Variants in TEX14 observed in about 807,000 individuals in gnomAD.
The protein encoded by TEX14 is inactive serine/threonine-protein kinase TEX14.
TEX14 carries 168 observed loss-of-function variants against 178.6 expected under a neutral mutation model. That is an observed-to-expected ratio of 0.94 (90% CI 0.83 to 1.07). The LOEUF (loss-of-function observed/expected upper bound fraction) is 1.07. Among genes scored for constraint, TEX14 ranks in the 50% least tolerant of loss-of-function variants. The pLI, the probability that TEX14 is intolerant of heterozygous loss-of-function variation, is 0.00. For synonymous variants in TEX14, 626 were observed against 634.1 expected (o/e 0.99, Z 0.19); for missense variants, 1,730 against 1,753.6 (o/e 0.99, Z 0.24).
At chr17:58,613,615 T>C in intron 8 of TEX14, 71 bp from the exon 9 acceptor site, 5 of 1,472,188 alleles carry the variant, frequency 3.4e-6, no homozygotes, top group Non-Finnish European at 2.8e-6. Flanking sequence ...GCGTAGGCCT[T>C]TTGAACACAT....
intron 2 of TEX14, chr17:58,631,678 C>T (rs541448185): frequency 7.3e-5 from 11 of 151,480 alleles, no homozygotes; most frequent in African/African-American, 2.2e-4. Flanking sequence ...GAACGGTCAC[C>T]AACAGCAAAC....
chr17:58,611,817 C>T (rs2045752313), intron 9 of TEX14, among the ~76,000 whole-genome samples: 1 of 152,202 alleles, frequency 6.6e-6, no homozygotes, highest in African/African-American at 2.4e-5. Context: ...GAAATTCACT[C>T]ACATCAATGC....
chr17:58,645,992 T>C (rs1043022507), intron 2 of TEX14, among the ~76,000 whole-genome samples: 1 of 152,254 alleles, frequency 6.6e-6, no homozygotes, highest in Non-Finnish European at 1.5e-5. Flanking sequence ...ACTATGTTAA[T>C]AGTTGTTAGT....
intron 7 of TEX14, 47 bp downstream of exon 7, chr17:58,616,128 T>C (rs777602122): frequency 1.3e-6 from 2 of 1,579,030 alleles, no homozygotes; most frequent in Admixed American, 3.7e-5. Context: ...CAGCCCACTC[T>C]TCCCCTGAAA....
chr17:58,661,808 T>C, intron 1 of TEX14: 1 of 488,182 alleles, frequency 2.0e-6, no homozygotes, highest in Non-Finnish European at 3.6e-6. Flanking sequence ...TTCGTCAAAC[T>C]TTGTCTCTCT....
intron 26 of TEX14, among the ~76,000 whole-genome samples, chr17:58,566,913 T>A (rs2044412548): frequency 6.6e-6 from 1 of 151,902 alleles, no homozygotes; most frequent in African/African-American, 2.4e-5. Flanking sequence ...ACACCTGTAA[T>A]CCCAGCACTT....
Position 58,645,422 on chromosome 17 carries a change from G to A in TEX14, c.136+6444C>T, listed in dbSNP as rs112009889. On this transcript the variant is annotated intron_variant, in intron 2 of 31. Coordinates refer to ENST00000349033, the MANE Select transcript of TEX14 (RefSeq NM_031272.5). ...TGCCCAGGCTGGAGTGCAGTGGCGC[G>A]ATCTCGGCTCACTGCAAGCTCCGCC... Among the ~76,000 whole-genome samples, 1,363 of 151,712 alleles carry A rather than the reference G, an allele frequency of 9.0e-3. 24 individuals carry two copies. Among genetic ancestry groups the A allele is most frequent in the African/African-American group, 0.03 (1,222 of 41,342 alleles).
intron 1 of TEX14, among the ~76,000 whole-genome samples, chr17:58,672,844 G>C (rs1465275051): frequency 6.6e-6 from 1 of 151,916 alleles, no homozygotes; most frequent in African/African-American, 2.4e-5. Context: ...CGATTCTCCT[G>C]CTTCAGCCTC....
chr17:58,647,916 T>G (rs983471123), intron 2 of TEX14: 1 of 152,242 alleles, frequency 6.6e-6, no homozygotes, highest in Non-Finnish European at 1.5e-5. Flanking sequence ...CAGGCTGTTC[T>G]CAAACTCCTG....
At chr17:58,673,083 G>A (rs2047330170) in intron 1 of TEX14, among the ~76,000 whole-genome samples, 1 of 152,022 alleles carries the variant, frequency 6.6e-6, no homozygotes, top group Non-Finnish European at 1.5e-5. Flanking sequence ...ACAATTGAGT[G>A]GTTCTCCATG....
intron 12 of TEX14, 34 bp from the exon 13 acceptor site, chr17:58,601,990 C>T (rs560624294): frequency 1.1e-5 from 17 of 1,607,890 alleles, no homozygotes; most frequent in Non-Finnish European, 1.2e-5. Context: ...AGGACATAGT[C>T]TCAGTCATCC....
In TEX14 at chr17:58,688,332, C is replaced by T. The variant is rs531503930; in HGVS notation, c.-2+3607G>A. 7.9e-5 allele frequency among the ~76,000 whole-genome samples: 12 copies of T among 152,248 alleles called. No homozygotes were observed. The East Asian group carries it at 2.1e-3, about 27-fold the overall frequency. On this transcript the variant is annotated intron_variant, in intron 1 of 31. Transcript: ENST00000349033. ...ACGGGGTTTTACCACATCGCCCAGG[C>T]TGGTCTTGAACTCCTGACCTCAAGT... is the stretch of plus-strand genomic sequence containing the variant.
rs2052643419 is a variant in TEX14, at chr17:58,591,654, T to G, written c.2576+1901A>C. Among the ~76,000 whole-genome samples, 3 of 151,922 alleles carry G rather than the reference T, an allele frequency of 2.0e-5. No homozygotes were observed. In the South Asian group the frequency reaches 6.2e-4, roughly 32 times the overall value. ...ACCACTAGGGCGAGGAATAAAAAGT[T>G]TTTTTTTCCAGGAGAACTGACTTCA... is the stretch of plus-strand genomic sequence containing the variant. On this transcript the variant is annotated intron_variant, in intron 15 of 31. Coordinates refer to ENST00000349033, the MANE Select transcript of TEX14 (RefSeq NM_031272.5).
intron 9 of TEX14, among the ~76,000 whole-genome samples, chr17:58,612,276 C>T (rs1401703054): frequency 2.0e-5 from 3 of 152,286 alleles, no homozygotes; most frequent in African/African-American, 7.2e-5. Flanking sequence ...GTCCACTGCG[C>T]TCTTAGATGT....
chr17:58,662,564 C>T (rs1197780329), intron 1 of TEX14, among the ~76,000 whole-genome samples: 3 of 151,932 alleles, frequency 2.0e-5, no homozygotes, highest in East Asian at 1.9e-4. Context: ...AGTTCCCTTA[C>T]GTGTGGGGAA....
intron 9 of TEX14, among the ~76,000 whole-genome samples, chr17:58,612,564 G>A (rs1333773808): frequency 1.1e-4 from 16 of 151,144 alleles, no homozygotes; most frequent in East Asian, 5.9e-4. Flanking sequence ...GTGAAACCCC[G>A]TCTCTACTAA....
chr17:58,690,575 T>C (rs2047682251), intron 1 of TEX14, among the ~76,000 whole-genome samples: 1 of 152,194 alleles, frequency 6.6e-6, no homozygotes, highest in African/African-American at 2.4e-5. Context: ...GGTAATACCA[T>C]GTTTTTTCTT....
intron 22 of TEX14, 72 bp downstream of exon 22, chr17:58,574,115 C>A: frequency 8.2e-7 from 1 of 1,222,302 alleles, no homozygotes; most frequent in Non-Finnish European, 1.2e-6. Flanking sequence ...TCCTTACAAA[C>A]AAGAATATAC....
intron 9 of TEX14, 80 bp downstream of exon 9, chr17:58,613,341 C>T: frequency 2.6e-6 from 4 of 1,562,104 alleles, no homozygotes; most frequent in Non-Finnish European, 3.5e-6. Context: ...GAAATGGGAT[C>T]ACCACAGCTG....
Sources: gnomAD v4.1 joint callset for allele counts (sites outside exome capture counted in the v4.1 genomes callset) on GRCh38, gnomAD v4.1.1 for gene constraint, MANE v1.5 for transcripts, NCBI Gene and HGNC (gene_info 2026-07-23, HGNC 2026-07-21) for gene names.